The following AGAP1 variants were observed in gnomAD, a reference collection of about 807,000 sequenced individuals.
AGAP1 encodes arf-GAP with GTPase, ANK repeat and PH domain-containing protein 1.
Under a neutral mutation model 105.3 loss-of-function variants are expected in AGAP1, and 29 were observed. That is an observed-to-expected ratio of 0.28 (90% CI 0.21 to 0.38). The LOEUF is 0.38. Among genes scored for constraint, AGAP1 ranks in the 10% least tolerant of loss-of-function variants. AGAP1 has a pLI of 1.00. For synonymous variants in AGAP1, 509 were observed against 485.9 expected (o/e 1.05, Z -0.63); for missense variants, 998 against 1,165.1 (o/e 0.86, Z 2.09).
chr2:235,589,186 ATTGTTTTGT>A (rs1945233356), intron 1 of AGAP1, among the ~76,000 whole-genome samples: 1 of 35,086 alleles, frequency 2.9e-5, no homozygotes, highest in Non-Finnish European at 5.9e-5. Flanking sequence ...TTAATAGCTT[ATTGTTTTGT>A]TTTTTTTTTT....
At chr2:235,710,898 G>T (rs939619827) in intron 2 of AGAP1, among the ~76,000 whole-genome samples, 2 of 152,216 alleles carry the variant, frequency 1.3e-5, no homozygotes, top group Non-Finnish European at 2.9e-5. Flanking sequence ...TGCGGGTCGT[G>T]TTCTAAGTGC....
In AGAP1 at chr2:236,040,442, C is replaced by T. The variant is rs184517806; in HGVS notation, c.1801-309C>T. On this transcript the variant is annotated intron_variant, in intron 14 of 17. Transcript: ENST00000304032. The surrounding 1 kb of genome is among the most constrained non-coding windows in gnomAD (Gnocchi z 5.6). ...GCCCAGAAGGTTACCCATTTACCTT[C>T]TCCAGGTTACCATGGTCCATGCGTA... Among the ~76,000 whole-genome samples, 226 of 152,296 alleles carry T rather than the reference C, an allele frequency of 1.5e-3. 1 individual carries two copies. Among genetic ancestry groups the T allele is most frequent in the Non-Finnish European group, 2.7e-3 (184 of 68,026 alleles).
At chr2:235,778,972 G>A (rs1956084449) in intron 6 of AGAP1, among the ~76,000 whole-genome samples, 1 of 152,202 alleles carries the variant, frequency 6.6e-6, no homozygotes, top group Non-Finnish European at 1.5e-5. Context: ...CCAACCCCAA[G>A]AAGCATATCC....
chr2:235,908,219 C>G lies in AGAP1; in HGVS notation c.1156-519C>G, dbSNP rs568161134. 6.6e-6 allele frequency among the ~76,000 whole-genome samples: 1 copy of G among 152,296 alleles called. No individual in the cohort carries two copies. The highest frequency in any genetic ancestry group is 1.5e-5 in the Non-Finnish European group (1 of 68,026). Reference sequence around the variant, plus strand: ...CTTCCAAGGCCTAGAAAGCCAGATACCCCTTGGACATCTTCCTGGTTCTTA... The same window carrying G: ...CTTCCAAGGCCTAGAAAGCCAGATAGCCCTTGGACATCTTCCTGGTTCTTA... On this transcript the variant is annotated intron_variant, in intron 10 of 17. Coordinates refer to ENST00000304032, the MANE Select transcript of AGAP1 (RefSeq NM_001037131.3). This position sits in a 1 kb window ranked among gnomAD's most constrained non-coding sequence, Gnocchi z 4.4.
In AGAP1 at chr2:236,040,117, T is replaced by A. The variant is rs1006674876; in HGVS notation, c.1801-634T>A. Among the ~76,000 whole-genome samples the A allele has an allele frequency of 2.0e-4, 31 of 151,758 alleles. No homozygotes were observed. Among genetic ancestry groups the A allele is most frequent in the Non-Finnish European group, 3.5e-4 (24 of 67,968 alleles). ...CAGAGCGAGACACTGGCTCAAAAAA[T>A]AATAATAATAAATAAATAAATAAAA... On this transcript the variant is annotated intron_variant, in intron 14 of 17. Coordinates refer to ENST00000304032, the MANE Select transcript of AGAP1 (RefSeq NM_001037131.3). This position sits in a 1 kb window ranked among gnomAD's most constrained non-coding sequence, Gnocchi z 5.6.
intron 1 of AGAP1, among the ~76,000 whole-genome samples, chr2:235,643,457 A>AAAAAAAAAAAAAAAAAAAAAAAAGAAAG (rs1553595203): frequency 1.4e-5 from 2 of 140,400 alleles, no homozygotes; most frequent in African/African-American, 5.4e-5. Flanking sequence ...AAAAAAAAAA[A>AAAAAAAAAAAAAAAAAAAAAAAAGAAAG]AAAGAAAGAA....
intron 15 of AGAP1, among the ~76,000 whole-genome samples, chr2:236,048,451 C>A (rs2057790953): frequency 6.6e-6 from 1 of 152,264 alleles, no homozygotes; most frequent in African/African-American, 2.4e-5. Flanking sequence ...GCCCTGCCCA[C>A]CAACTTGCCT....
At chr2:235,624,497 C>A (rs1946577635) in intron 1 of AGAP1, among the ~76,000 whole-genome samples, 1 of 152,196 alleles carries the variant, frequency 6.6e-6, no homozygotes, top group South Asian at 2.1e-4. Context: ...TGCTCTGGTT[C>A]TTTCATTTTA....
intron 1 of AGAP1, among the ~76,000 whole-genome samples, chr2:235,627,650 T>G (rs1946686726): frequency 6.6e-6 from 1 of 152,156 alleles, no homozygotes; most frequent in Admixed American, 6.5e-5. Context: ...TCTGTTGATT[T>G]TGGGGTCTGT....
chr2:236,030,082 A>G (rs972025420), intron 13 of AGAP1, among the ~76,000 whole-genome samples: 2 of 152,156 alleles, frequency 1.3e-5, no homozygotes, highest in Non-Finnish European at 2.9e-5. Context: ...CTGAATCTCA[A>G]GTCTACACTG....
chr2:235,956,906 C>T (rs921833095), intron 12 of AGAP1, among the ~76,000 whole-genome samples: 1 of 152,242 alleles, frequency 6.6e-6, no homozygotes, highest in Non-Finnish European at 1.5e-5. Context: ...CCCTCTCCCC[C>T]GTCTCACTAG....
chr2:235,585,271 T>A (rs1052191511), intron 1 of AGAP1, among the ~76,000 whole-genome samples: 1 of 152,148 alleles, frequency 6.6e-6, no homozygotes, highest in African/African-American at 2.4e-5. Flanking sequence ...AGACTCGATT[T>A]CCTTGCTTTT....
chr2:235,695,099 A>G (rs1279695062), intron 1 of AGAP1, among the ~76,000 whole-genome samples: 1 of 152,242 alleles, frequency 6.6e-6, no homozygotes, highest in African/African-American at 2.4e-5. Context: ...AAGGATGAGA[A>G]GCTGGGAAAT....
chr2:235,814,032 C>T (rs1446068954), intron 9 of AGAP1, among the ~76,000 whole-genome samples: 2 of 152,148 alleles, frequency 1.3e-5, no homozygotes, highest in African/African-American at 4.8e-5. Flanking sequence ...GTTCTTCTGC[C>T]GGTGTGCTTC....
In AGAP1 at chr2:236,123,608, T is replaced by C. The variant is rs2059951942; in HGVS notation, c.2371-311T>C. Among the ~76,000 whole-genome samples, 1 of 152,128 alleles carries C rather than the reference T, an allele frequency of 6.6e-6. No individual in the cohort carries two copies. The highest frequency in any genetic ancestry group is 1.5e-5 in the Non-Finnish European group (1 of 68,020). ...AATGAAAATTCTGAGATCAAAACAATGATTTTCTTTGTGCAATTGGAAAGT... is the reference window on the plus strand; with the variant it reads ...AATGAAAATTCTGAGATCAAAACAACGATTTTCTTTGTGCAATTGGAAAGT... On this transcript the variant is annotated intron_variant, in intron 17 of 17. Transcript: ENST00000304032. The surrounding 1 kb of genome is among the most constrained non-coding windows in gnomAD (Gnocchi z 4.6).
rs891785955 is a variant in AGAP1, at chr2:235,973,544, C to T, written c.1645+4921C>T. ...GCCTGAAGCCTATGCATGGAGGGAA[C>T]GTGCAGTGACCAGAGAGAAGGGTGG... On this transcript the variant is annotated intron_variant, in intron 13 of 17. Coordinates refer to ENST00000304032, the MANE Select transcript of AGAP1 (RefSeq NM_001037131.3). This position sits in a 1 kb window ranked among gnomAD's most constrained non-coding sequence, Gnocchi z 4.7. 2.0e-5 allele frequency among the ~76,000 whole-genome samples: 3 copies of T among 152,076 alleles called. No individual in the cohort carries two copies. Among genetic ancestry groups the T allele is most frequent in the Non-Finnish European group, 4.4e-5 (3 of 68,034 alleles).
At chr2:235,653,413 G>C (rs188969857) in intron 1 of AGAP1, among the ~76,000 whole-genome samples, 4 of 152,044 alleles carry the variant, frequency 2.6e-5, no homozygotes, top group African/African-American at 9.7e-5. Flanking sequence ...GCAGTGAGCC[G>C]AGATAGCGCC....
Position 236,114,148 on chromosome 2 carries a change from C to T in AGAP1, c.2115-6044C>T, listed in dbSNP as rs1044860639. Among the ~76,000 whole-genome samples, 5 of 152,202 alleles carry T rather than the reference C, an allele frequency of 3.3e-5. No individual in the cohort carries two copies. Among genetic ancestry groups the T allele is most frequent in the South Asian group, 2.1e-4 (1 of 4,816 alleles). ...CTCATTAGCTAACGGAGGCTGTGAACGGTGATCCTCCCGGGGATTGGAATG... is the reference window on the plus strand; with the variant it reads ...CTCATTAGCTAACGGAGGCTGTGAATGGTGATCCTCCCGGGGATTGGAATG... On this transcript the variant is annotated intron_variant, in intron 16 of 17. Transcript: ENST00000304032. This position sits in a 1 kb window ranked among gnomAD's most constrained non-coding sequence, Gnocchi z 5.0.
At chr2:236,115,067 T>C (rs1394210781) in intron 16 of AGAP1, among the ~76,000 whole-genome samples, 1 of 152,230 alleles carries the variant, frequency 6.6e-6, no homozygotes, top group Non-Finnish European at 1.5e-5. Flanking sequence ...GAAGCTCGTA[T>C]GTACACACAG....
Sources: gnomAD v4.1 joint callset for allele counts (sites outside exome capture counted in the v4.1 genomes callset) on GRCh38, gnomAD v4.1.1 for gene constraint, Gnocchi (gnomAD v3.1) non-coding constraint, MANE v1.5 for transcripts, NCBI Gene and HGNC (gene_info 2026-07-23, HGNC 2026-07-21) for gene names.